The following PTPN9 variants were observed in gnomAD, a reference collection of about 807,000 sequenced individuals.
PTPN9 encodes the protein tyrosine-protein phosphatase non-receptor type 9.
PTPN9 carries 26 observed loss-of-function variants against 69.8 expected under a neutral mutation model. The observed-to-expected ratio is 0.37, with a 90% CI of 0.27 to 0.52. The LOEUF (loss-of-function observed/expected upper bound fraction) is 0.52. Ranked by LOEUF, PTPN9 falls within the 20% of genes least tolerant of loss-of-function variation. The pLI, the probability that PTPN9 is intolerant of heterozygous loss-of-function variation, is 0.91. For missense variants in PTPN9, 549 were observed against 740.3 expected (o/e 0.74, Z 3.00); for synonymous variants, 274 against 272.5 (o/e 1.01, Z -0.05).
intron 7 of PTPN9, among the ~76,000 whole-genome samples, chr15:75,504,175 T>TG (rs1165938620): frequency 4.9e-4 from 43 of 87,118 alleles, no homozygotes; most frequent in Admixed American, 9.3e-4. Flanking sequence ...GGGAGGGAGG[T>TG]GGGGGGGTCA....
rs1396419828 is a variant in PTPN9, at chr15:75,472,018, T to C, written c.1209-1188A>G. Among the ~76,000 whole-genome samples the C allele has an allele frequency of 3.3e-5, 5 of 152,122 alleles. No individual in the cohort carries two copies. The East Asian group carries it at 9.6e-4, about 29-fold the overall frequency. On this transcript the variant is annotated intron_variant, in intron 10 of 12. Transcript: ENST00000618819. ...TATTCCAAGGTAGAACTTCTCCCACTACCTCCTCTCCAAATAAGTGGTGGT... is the reference window on the plus strand; with the variant it reads ...TATTCCAAGGTAGAACTTCTCCCACCACCTCCTCTCCAAATAAGTGGTGGT...
At chr15:75,572,949 G>GT (rs780598516) in intron 1 of PTPN9, among the ~76,000 whole-genome samples, 18 of 152,060 alleles carry the variant, frequency 1.2e-4, no homozygotes, top group Non-Finnish European at 2.4e-4. Context: ...AAGGTTTTCT[G>GT]TATCTTTTCA....
In PTPN9 at chr15:75,464,224, T is replaced by C. The variant is rs1004823576; in HGVS notation, c.*4545A>G. The C allele has an allele frequency of 6.6e-6, 1 of 152,136 alleles. No individual in the cohort carries two copies. Among genetic ancestry groups the C allele is most frequent in the Non-Finnish European group, 1.5e-5 (1 of 68,348 alleles). 9.4% of individuals were successfully genotyped at this position (152,136 alleles called of 1,614,324 possible). On this transcript the variant is annotated 3_prime_UTR_variant, in exon 13 of 13. Transcript: ENST00000618819. ...ACTTTGGGAGGCCGAGGCAGGAGGA[T>C]TGCTTGAGGCTGGAGTTCGAGACCA... is the stretch of plus-strand genomic sequence containing the variant.
At chr15:75,473,971 G>A (rs1428148016) in intron 9 of PTPN9, among the ~76,000 whole-genome samples, 2 of 152,098 alleles carry the variant, frequency 1.3e-5, no homozygotes, top group African/African-American at 4.8e-5. Flanking sequence ...ACATGAATCT[G>A]CATGTCAACG....
At position 75,470,765 on chromosome 15, in the gene PTPN9, C is replaced by A. The variant is rs745713152; in HGVS notation, c.1274G>T (p.Arg425Leu). 6.2e-7 allele frequency: 1 copy of A among 1,614,214 alleles called. No homozygotes were observed. Among genetic ancestry groups the A allele is most frequent in the South Asian group, 1.1e-5 (1 of 91,084 alleles). Residue 425 changes from arginine (R) to leucine (L), a missense_variant, in exon 11 of 13, where the codon CGA (arginine) becomes CTA (leucine). By Grantham distance (102) the Arg-to-Leu change is moderately radical. Coordinates refer to ENST00000618819, the MANE Select transcript of PTPN9 (RefSeq NM_002833.4). ...YWPLEKDSRI[R>L]FGFLTVTNLG... ...ATTGGTCACTGTGAGGAAGCCAAAT[C>A]GGATCCGAGAGTCTTTTTCTAAAGG...
chr15:75,575,650 T>C (rs988395942), intron 1 of PTPN9, among the ~76,000 whole-genome samples: 12 of 151,920 alleles, frequency 7.9e-5, no homozygotes, highest in African/African-American at 2.9e-4. Flanking sequence ...CTGGGCGCGG[T>C]GGTTCACGCC....
rs2075172026 is a variant in PTPN9, at chr15:75,576,137, C to T, written c.63+2577G>A. ...GTCACAGCTACTTGGGAGGCTGAGG[C>T]AGGAGAATCGCTTGAATCAGGGAGG... is the stretch of plus-strand genomic sequence containing the variant. On this transcript the variant is annotated intron_variant, in intron 1 of 12. Coordinates refer to ENST00000618819, the MANE Select transcript of PTPN9 (RefSeq NM_002833.4). Among the ~76,000 whole-genome samples, 4 of 149,890 alleles carry T rather than the reference C, an allele frequency of 2.7e-5. No homozygotes were observed. The Admixed American group carries it at 2.7e-4, about 10-fold the overall frequency.
rs2074529214 is a variant in PTPN9 at position 75,464,515 on chromosome 15, T to A, written c.*4254A>T. The stretch of plus-strand genomic sequence containing the variant: ...CACTGTCTAACAAAGAACTGGACCC[T>A]GACAGTCAGAGGACCCATGGTAGGA... On this transcript the variant is annotated 3_prime_UTR_variant, in exon 13 of 13. Transcript: ENST00000618819. The A allele has an allele frequency of 6.6e-6, 1 of 152,122 alleles. No individual in the cohort carries two copies. The highest frequency in any genetic ancestry group is 1.5e-5 in the Non-Finnish European group (1 of 68,010). The allele number at this position is 152,122 out of a possible 1,614,324, so 9.4% of individuals were successfully genotyped here. A position where few individuals can be genotyped will look rare whatever the true frequency, so the allele number is the denominator to read the frequency against.
chr15:75,482,548 G>C (rs2074645872), intron 8 of PTPN9, among the ~76,000 whole-genome samples: 1 of 112,700 alleles, frequency 8.9e-6, no homozygotes, highest in Non-Finnish European at 1.6e-5. Flanking sequence ...CTGGGCGACA[G>C]AGCGAGACTC....
At chr15:75,564,682 G>A (rs1048960648) in intron 1 of PTPN9, among the ~76,000 whole-genome samples, 1 of 151,988 alleles carries the variant, frequency 6.6e-6, no homozygotes, top group African/African-American at 2.4e-5. Context: ...TCCATCTGGA[G>A]TGCAGTGGCT....
In PTPN9 at chr15:75,541,120, T is replaced by C. The variant is rs148128964; in HGVS notation, c.64-13859A>G. Among the ~76,000 whole-genome samples, 82 of 152,072 alleles carry C rather than the reference T, an allele frequency of 5.4e-4. 1 individual carries two copies. The East Asian group carries it at 0.015, about 29-fold the overall frequency. On this transcript the variant is annotated intron_variant, in intron 1 of 12. Coordinates refer to ENST00000618819, the MANE Select transcript of PTPN9 (RefSeq NM_002833.4). ...AAATAAAAAAAAAGAGACAGGATCT[T>C]GCTCTTGCCCAGGCTTGAGTGCAGT...
At chr15:75,517,472 T>C (rs979120908) in intron 4 of PTPN9, 108 bp from the exon 5 acceptor site, 6 of 734,060 alleles carry the variant, frequency 8.2e-6, no homozygotes, top group South Asian at 7.6e-5. Flanking sequence ...ACATCTAGGA[T>C]CAAAACAACT....
intron 7 of PTPN9, among the ~76,000 whole-genome samples, chr15:75,505,118 A>C (rs553334897): frequency 6.6e-6 from 1 of 151,862 alleles, no homozygotes; most frequent in African/African-American, 2.4e-5. Flanking sequence ...TACTAAGATA[A>C]ATTCTTCTGC....
rs1220574343 is a variant in PTPN9 at position 75,497,138 on chromosome 15, T to C, written c.969-6837A>G. On this transcript the variant is annotated intron_variant, in intron 7 of 12. Transcript: ENST00000618819. ...GCTGCTTATGATGAGTGGGGAGAACTAAGGATGCGGATTAGAAGGAATTTC... is the reference window on the plus strand; with the variant it reads ...GCTGCTTATGATGAGTGGGGAGAACCAAGGATGCGGATTAGAAGGAATTTC... Among the ~76,000 whole-genome samples, 7 of 152,236 alleles carry C rather than the reference T, an allele frequency of 4.6e-5. No individual in the cohort carries two copies. The East Asian group carries it at 1.3e-3, about 29-fold the overall frequency.
At chr15:75,477,768 C>T (rs1271729714) in intron 9 of PTPN9, among the ~76,000 whole-genome samples, 2 of 151,422 alleles carry the variant, frequency 1.3e-5, no homozygotes, top group South Asian at 2.1e-4. Flanking sequence ...AAAAAATCTC[C>T]AATTGTCTCA....
chr15:75,519,763 C>T (rs1177502454), intron 4 of PTPN9, among the ~76,000 whole-genome samples: 3 of 151,288 alleles, frequency 2.0e-5, no homozygotes, highest in Non-Finnish European at 2.9e-5. Flanking sequence ...TGAGTCACTG[C>T]GCCCTGCCCT....
rs116160061 is a variant in PTPN9 at position 75,506,055 on chromosome 15, T to A, written c.640-52A>T. On this transcript the variant is annotated intron_variant, in intron 6 of 12. Coordinates refer to ENST00000618819, the MANE Select transcript of PTPN9 (RefSeq NM_002833.4). ...GTATGTGGGAGGAGGGAAAGGCATATAGAGTGACAAAGAATAAATGTATTT... is the reference window on the plus strand; with the variant it reads ...GTATGTGGGAGGAGGGAAAGGCATAAAGAGTGACAAAGAATAAATGTATTT... 33 of 1,365,240 alleles carry A rather than the reference T, an allele frequency of 2.4e-5. No individual in the cohort carries two copies. In the African/African-American group the frequency reaches 3.8e-4, roughly 16 times the overall value. 84.6% of individuals were successfully genotyped at this position (1,365,240 alleles called of 1,614,324 possible). A position where few individuals can be genotyped will look rare whatever the true frequency, so the allele number is the denominator to read the frequency against.
chr15:75,490,330 A>C, intron 7 of PTPN9, 29 bp from the exon 8 acceptor site: 1 of 1,515,034 alleles, frequency 6.6e-7, no homozygotes, highest in Non-Finnish European at 9.2e-7. Context: ...ACAAGCAAGA[A>C]TAAAGAAAAA....
chr15:75,543,519 A>G (rs2075018554), intron 1 of PTPN9, among the ~76,000 whole-genome samples: 1 of 152,208 alleles, frequency 6.6e-6, no homozygotes. Context: ...TGAGACATAC[A>G]AGACACATAT....
Sources: allele counts gnomAD v4.1 joint callset (sites outside exome capture counted in the v4.1 genomes callset), GRCh38; gene constraint gnomAD v4.1.1; transcripts MANE v1.5; gene names NCBI Gene and HGNC (gene_info 2026-07-23, HGNC 2026-07-21).